The following NBN variants were observed in gnomAD, a reference collection of about 807,000 sequenced individuals.
The protein encoded by NBN is Nijmegen breakage syndrome 1 (nibrin).
A neutral mutation model predicts 90.8 loss-of-function variants in NBN; 88 were observed. That is an observed-to-expected ratio of 0.97 (90% CI 0.82 to 1.16). The LOEUF is 1.16. Among genes scored for constraint, NBN ranks in the 50% most tolerant of loss-of-function variants. NBN has a pLI of 0.00. For synonymous variants in NBN, 328 were observed against 295.1 expected (o/e 1.11, Z -1.14); for missense variants, 894 against 869.6 (o/e 1.03, Z -0.35).
intron 4 of NBN, among the ~76,000 whole-genome samples, chr8:89,979,235 T>A (rs1370153221): frequency 6.6e-6 from 1 of 152,198 alleles, no homozygotes; most frequent in South Asian, 2.1e-4. Context: ...CACCTCGGCA[T>A]CCCAAAGTGC....
In NBN at chr8:89,984,484, T is replaced by C. The variant is rs770637378; in HGVS notation, c.37+41A>G. 1.0e-5 allele frequency: 16 copies of C among 1,584,678 alleles called. 1 individual carries two copies. The highest frequency in any genetic ancestry group is 1.4e-5 in the Non-Finnish European group (16 of 1,154,182). On this transcript the variant is annotated intron_variant, in intron 1 of 15. Coordinates refer to ENST00000265433, the MANE Select transcript of NBN (RefSeq NM_002485.5). ...GCAGGCCCTCCCCCGAGGCAGTCGC[T>C]ACCGGGAAAATAGGCCCCGAGGCTT...
At chr8:89,959,676 C>A (rs1810902068) in intron 8 of NBN, among the ~76,000 whole-genome samples, 1 of 152,192 alleles carries the variant, frequency 6.6e-6, no homozygotes, top group Admixed American at 6.5e-5. Flanking sequence ...ATCACTTGAG[C>A]CCAGGAGGTC....
At chr8:89,957,299 GTT>G (rs1251401296) in intron 9 of NBN, among the ~76,000 whole-genome samples, 1 of 152,046 alleles carries the variant, frequency 6.6e-6, no homozygotes, top group Non-Finnish European at 1.5e-5. Context: ...TTATGTCTTT[GTT>G]TTTAACAAAA....
intron 11 of NBN, among the ~76,000 whole-genome samples, chr8:89,951,311 CAAA>C (rs71268296): frequency 2.9e-5 from 2 of 68,260 alleles, no homozygotes; most frequent in Admixed American, 1.7e-4. Context: ...GACTCTGTCT[CAAA>C]AAAAAAAAAA....
chr8:89,973,809 T>C (rs182993052), intron 5 of NBN, among the ~76,000 whole-genome samples: 75 of 152,276 alleles, frequency 4.9e-4, no homozygotes, highest in Admixed American at 8.5e-4. Context: ...TAGAGGCATA[T>C]TGACTGAATA....
chr8:89,961,638 T>C (rs969976207), intron 8 of NBN, among the ~76,000 whole-genome samples: 1 of 152,050 alleles, frequency 6.6e-6, no homozygotes, highest in African/African-American at 2.4e-5. Context: ...CTATAAAAAA[T>C]ATGGCACACA....
At chr8:89,946,554 C>T (rs2129651400) in intron 12 of NBN, 1 of 403,330 alleles carries the variant, frequency 2.5e-6, no homozygotes, top group Non-Finnish European at 4.5e-6. Context: ...AACTGTGAAG[C>T]ATTTTTAACC....
intron 7 of NBN, 76 bp downstream of exon 7, chr8:89,970,288 G>A (rs1357944437): frequency 2.4e-6 from 3 of 1,269,100 alleles, no homozygotes; most frequent in African/African-American, 3.0e-5. Context: ...TACATTGTTA[G>A]GTGAAAAGCA....
intron 15 of NBN, among the ~76,000 whole-genome samples, chr8:89,936,295 T>C (rs542109147): frequency 6.6e-6 from 1 of 152,038 alleles, no homozygotes; most frequent in Non-Finnish European, 1.5e-5. Flanking sequence ...CAGGCTAGTG[T>C]TGAACTCCTG....
At position 89,980,751 on chromosome 8, in the gene NBN, C is replaced by T; in HGVS notation, c.463G>A (p.Val155Met). ...CAACCTACTTTAATGGTAACTTTCA[C>T]TGATACCATGACAAGGTGAGTGCAT... ...EECTHLVMVS[V>M]KVTIKTICAL... is the part of the protein sequence containing the mutation. The change falls in exon 4 of 16, where the codon GTG becomes ATG. Residue 155 changes from valine to methionine, a missense_variant. Val to Met is a conservative substitution (Grantham distance 21). Transcript: ENST00000265433. The T allele has an allele frequency of 6.2e-7, 1 of 1,612,612 alleles. No individual in the cohort carries two copies.
At chr8:89,953,829 T>G in intron 10 of NBN, 138 bp from the exon 11 acceptor site, 2 of 712,182 alleles carry the variant, frequency 2.8e-6, no homozygotes, top group South Asian at 3.6e-5. Context: ...TTACTGGAAA[T>G]CAACAAATAG....
In NBN at chr8:89,973,640, G is replaced by C. The variant is rs189937737; in HGVS notation, c.585-2350C>G. Among the ~76,000 whole-genome samples, 465 of 152,300 alleles carry C rather than the reference G, an allele frequency of 3.1e-3. 2 individuals are homozygous for C. Among genetic ancestry groups the C allele is most frequent in the Non-Finnish European group, 5.2e-3 (352 of 67,996 alleles). On this transcript the variant is annotated intron_variant, in intron 5 of 15. Transcript: ENST00000265433. The stretch of plus-strand genomic sequence containing the variant: ...TTTACCAGTGTAATGATGAGAGCAA[G>C]AAAGAAAAGACTAGTGATGAATGTG...
At position 89,936,940 on chromosome 8, in the gene NBN, A is replaced by T; in HGVS notation, c.2234+86T>A. On this transcript the variant is annotated intron_variant, in intron 15 of 15. Transcript: ENST00000265433. ...GGGACTAGGTGTCTATGAGGACAGAAGAAACAAATTCTTAATTTCTATGAA... is the reference window on the plus strand; with the variant it reads ...GGGACTAGGTGTCTATGAGGACAGATGAAACAAATTCTTAATTTCTATGAA... The T allele has an allele frequency of 4.6e-6, 5 of 1,084,372 alleles. No homozygotes were observed. The South Asian group carries it at 6.4e-5, about 14-fold the overall frequency. The allele number at this position is 1,084,372 out of a possible 1,614,324, so 67.2% of individuals were successfully genotyped here. A position where few individuals can be genotyped will look rare whatever the true frequency, so the allele number is the denominator to read the frequency against.
At chr8:89,981,332 A>C in intron 3 of NBN, 43 bp downstream of exon 3, 1 of 1,583,124 alleles carries the variant, frequency 6.3e-7, no homozygotes, top group Non-Finnish European at 8.7e-7. Context: ...GATTTGGCTG[A>C]AACAAAGCTG....
chr8:89,937,162 T>TA (rs1809731091), intron 14 of NBN, 87 bp from the exon 15 acceptor site: 1 of 1,300,752 alleles, frequency 7.7e-7, no homozygotes, highest in Non-Finnish European at 1.1e-6. Context: ...ACTGTCATCT[T>TA]AGAGATTTCC....
In NBN at chr8:89,947,731, G is replaced by T. The variant is rs893194428; in HGVS notation, c.1914+93C>A. Reference sequence around the variant, plus strand: ...TGAAGTAAGCCATAATTAGGAAAGAGAAATAATCCTAAGAATGTAAAATCA... The same window carrying T: ...TGAAGTAAGCCATAATTAGGAAAGATAAATAATCCTAAGAATGTAAAATCA... On this transcript the variant is annotated intron_variant, in intron 12 of 15. Transcript: ENST00000265433. 27 of 723,898 alleles carry T rather than the reference G, an allele frequency of 3.7e-5. No individual in the cohort carries two copies. The African/African-American group carries it at 4.4e-4, about 12-fold the overall frequency. 44.8% of individuals were successfully genotyped at this position (723,898 alleles called of 1,614,324 possible).
Position 89,934,481 on chromosome 8 carries a change from A to G in NBN, c.*1101T>C, listed in dbSNP as rs1416021442. The G allele has an allele frequency of 8.6e-6, 2 of 232,994 alleles. No individual in the cohort carries two copies. The highest frequency in any genetic ancestry group is 1.8e-4 in the South Asian group (1 of 5,538). The allele number at this position is 232,994 out of a possible 1,614,324, so 14.4% of individuals were successfully genotyped here. Reference sequence around the variant, plus strand: ...AGCAGCCAGAACTTGGAAGTAAGTTAATTTGGTTCTGGCAAGTAGATGCAC... The same window carrying G: ...AGCAGCCAGAACTTGGAAGTAAGTTGATTTGGTTCTGGCAAGTAGATGCAC... On this transcript the variant is annotated 3_prime_UTR_variant, in exon 16 of 16. Coordinates refer to ENST00000265433, the MANE Select transcript of NBN (RefSeq NM_002485.5).
Position 89,984,554 on chromosome 8 carries a change from T to G in NBN, c.8A>C (p.Lys3Thr). MW[K>T]LLPAAGPAGG... ...TGCCGGGCCCGCGGCGGGCAGCAGT[T>G]TCCACATCGGTCCGGCTCCTCAGGG... The change falls in exon 1 of 16, where the codon AAA becomes ACA. Residue 3 changes from lysine (K) to threonine (T), a missense_variant. Physicochemically the swap from Lys to Thr is moderately conservative, Grantham distance 78. Coordinates refer to ENST00000265433, the MANE Select transcript of NBN (RefSeq NM_002485.5). 3 of 1,613,184 alleles carry G rather than the reference T, an allele frequency of 1.9e-6. No individual in the cohort carries two copies. Among genetic ancestry groups the G allele is most frequent in the Non-Finnish European group, 2.5e-6 (3 of 1,179,778 alleles).
chr8:89,975,138 G>A (rs1163649263), intron 5 of NBN, among the ~76,000 whole-genome samples: 1 of 152,140 alleles, frequency 6.6e-6, no homozygotes, highest in Non-Finnish European at 1.5e-5. Context: ...TGACAGTCAA[G>A]GAAAATGAGA....
Sources: allele counts gnomAD v4.1 joint callset (sites outside exome capture counted in the v4.1 genomes callset), GRCh38; gene constraint gnomAD v4.1.1; transcripts MANE v1.5; gene names NCBI Gene and HGNC (gene_info 2026-07-23, HGNC 2026-07-21).